The following SPOCK1 variants were observed in gnomAD, a reference collection of about 807,000 sequenced individuals.
SPOCK1 encodes the protein SPARC (osteonectin), cwcv and kazal like domains proteoglycan 1.
SPOCK1 carries 23 observed loss-of-function variants against 55.3 expected under a neutral mutation model. That is an observed-to-expected ratio of 0.42 (90% CI 0.30 to 0.59). The LOEUF (loss-of-function observed/expected upper bound fraction) is 0.59, where lower values mean the gene tolerates loss of function less well. SPOCK1 is among the 20% of genes least tolerant of loss of function. The probability of loss-of-function intolerance (pLI) is 0.22; values close to 1 mark genes in which losing one functional copy is unlikely to be tolerated. For synonymous variants in SPOCK1, 226 were observed against 221.0 expected (o/e 1.02, Z -0.20); for missense variants, 499 against 552.5 (o/e 0.90, Z 0.97).
intron 3 of SPOCK1, among the ~76,000 whole-genome samples, chr5:137,194,815 T>C (rs1412330861): frequency 6.6e-6 from 1 of 152,054 alleles, no homozygotes; most frequent in Non-Finnish European, 1.5e-5. Flanking sequence ...CATCTGAGCC[T>C]CCCATAAGCA....
intron 2 of SPOCK1, among the ~76,000 whole-genome samples, chr5:137,450,353 C>T (rs1432444439): frequency 3.9e-5 from 6 of 152,166 alleles, no homozygotes; most frequent in Non-Finnish European, 8.8e-5. Flanking sequence ...TCCTTTTCAG[C>T]CCTGGTCACC....
At chr5:137,312,135 C>A (rs1339989407) in intron 2 of SPOCK1, among the ~76,000 whole-genome samples, 1 of 152,214 alleles carries the variant, frequency 6.6e-6, no homozygotes. Context: ...AGATCCTAGT[C>A]ACATCTCATT....
intron 5 of SPOCK1, among the ~76,000 whole-genome samples, chr5:137,106,060 G>A (rs1390094094): frequency 6.6e-6 from 1 of 152,134 alleles, no homozygotes; most frequent in Non-Finnish European, 1.5e-5. Flanking sequence ...AGTCAGGTGG[G>A]CCCAGATGAC....
intron 3 of SPOCK1, among the ~76,000 whole-genome samples, chr5:137,161,299 C>CAT (rs367752024): frequency 8.6e-5 from 13 of 150,530 alleles, no homozygotes; most frequent in African/African-American, 1.7e-4. Context: ...TATTCCAGGC[C>CAT]ATATATATAT....
chr5:137,249,767 A>G (rs1756471076), intron 3 of SPOCK1, among the ~76,000 whole-genome samples: 1 of 152,268 alleles, frequency 6.6e-6, no homozygotes, highest in Admixed American at 6.5e-5. Context: ...TGAGCTAAAA[A>G]GAAACACATC....
At chr5:137,027,944 G>A (rs987358527) in intron 6 of SPOCK1, among the ~76,000 whole-genome samples, 5 of 152,194 alleles carry the variant, frequency 3.3e-5, no homozygotes, top group African/African-American at 1.2e-4. Flanking sequence ...GAGTGTCTAT[G>A]AGGCTCTGTG....
intron 2 of SPOCK1, among the ~76,000 whole-genome samples, chr5:137,399,156 G>A (rs934370174): frequency 7.2e-5 from 11 of 152,150 alleles, no homozygotes; most frequent in East Asian, 3.8e-4. Context: ...CCTATGTAGC[G>A]TGCCAAAAGT....
At chr5:137,122,909 C>T (rs1414749490) in intron 4 of SPOCK1, among the ~76,000 whole-genome samples, 1 of 152,200 alleles carries the variant, frequency 6.6e-6, no homozygotes, top group East Asian at 1.9e-4. Context: ...TTTCTGGTCA[C>T]CAGCAGCAAA....
chr5:137,339,526 G>A (rs1750366784), intron 2 of SPOCK1, among the ~76,000 whole-genome samples: 1 of 152,164 alleles, frequency 6.6e-6, no homozygotes, highest in Non-Finnish European at 1.5e-5. Context: ...TGGGAAGGGG[G>A]AACCCAGCTT....
chr5:137,245,384 A>T (rs1756374512), intron 3 of SPOCK1, among the ~76,000 whole-genome samples: 2 of 152,254 alleles, frequency 1.3e-5, no homozygotes, highest in African/African-American at 4.8e-5. Flanking sequence ...TTACAAGGCC[A>T]TTCCTAGTAC....
At chr5:137,293,089 ATTTTTTTTTTTTTTTT>A (rs531537488) in intron 2 of SPOCK1, among the ~76,000 whole-genome samples, 18 of 100,842 alleles carry the variant, frequency 1.8e-4, no homozygotes, top group East Asian at 2.7e-4. Flanking sequence ...GGTTTGTTGA[ATTTTTTTTTTTTTTTT>A]TTTTTTTTTT....
chr5:137,174,634 T>C (rs1184908910), intron 3 of SPOCK1, among the ~76,000 whole-genome samples: 2 of 152,216 alleles, frequency 1.3e-5, no homozygotes, highest in African/African-American at 2.4e-5. Context: ...AAAAGGATCA[T>C]CCCAGAATGT....
chr5:137,140,747 ATTTTTTTTT>A (rs11309240), intron 3 of SPOCK1, 53 bp from the exon 4 acceptor site: 18 of 352,298 alleles, frequency 5.1e-5, no homozygotes, highest in African/African-American at 1.4e-4. Context: ...GGGAAATTTA[ATTTTTTTTT>A]TTTTTTTTTT....
At chr5:137,146,907 G>A (rs1271007590) in intron 3 of SPOCK1, among the ~76,000 whole-genome samples, 1 of 152,204 alleles carries the variant, frequency 6.6e-6, no homozygotes, top group East Asian at 1.9e-4. Context: ...TTTAAGGATT[G>A]GGGAATTGGT....
chr5:137,422,393 T>A (rs149626189), intron 2 of SPOCK1, among the ~76,000 whole-genome samples: 24,741 of 152,212 alleles, frequency 0.16, 2,256 homozygotes, highest in Admixed American at 0.28. Flanking sequence ...CCAACTTGGT[T>A]CCATTCTCCC....
At chr5:137,372,369 T>C (rs2127171298) in intron 2 of SPOCK1, among the ~76,000 whole-genome samples, 1 of 152,288 alleles carries the variant, frequency 6.6e-6, no homozygotes, top group East Asian at 1.9e-4. Context: ...AATAGAAGCT[T>C]GATCTTTCCT....
chr5:137,367,375 G>A (rs757244534), intron 2 of SPOCK1, among the ~76,000 whole-genome samples: 21 of 152,180 alleles, frequency 1.4e-4, no homozygotes, highest in Non-Finnish European at 2.2e-4. Context: ...CACTGTGCAC[G>A]GAAGAATATG....
intron 2 of SPOCK1, among the ~76,000 whole-genome samples, chr5:137,475,457 T>A (rs1580947554): frequency 6.6e-6 from 1 of 152,358 alleles, no homozygotes; most frequent in Non-Finnish European, 1.5e-5. Flanking sequence ...CTAGCTAAAG[T>A]AAGAAATTTT....
At chr5:137,093,678 CGGA>C (rs1753087531) in intron 5 of SPOCK1, among the ~76,000 whole-genome samples, 1 of 152,036 alleles carries the variant, frequency 6.6e-6, no homozygotes, top group South Asian at 2.1e-4. Context: ...GATGGGGATG[CGGA>C]GAAGGAGCCA....
Sources: allele counts gnomAD v4.1 joint callset (sites outside exome capture counted in the v4.1 genomes callset), GRCh38; gene constraint gnomAD v4.1.1; transcripts MANE v1.5; gene names NCBI Gene and HGNC (gene_info 2026-07-23, HGNC 2026-07-21).